NFIL3: variants seen among roughly 807,000 people sequenced by gnomAD.
NFIL3 encodes the protein nuclear factor interleukin-3-regulated protein.
A neutral mutation model predicts 10.0 loss-of-function variants in NFIL3; 5 were observed. The observed-to-expected ratio is 0.50, with a 90% CI of 0.26 to 1.06. NFIL3 has a LOEUF of 1.06. NFIL3 is among the 50% of genes least tolerant of loss of function. The pLI is 0.13. For synonymous variants in NFIL3, 202 were observed against 206.5 expected (o/e 0.98, Z 0.19); for missense variants, 436 against 547.6 (o/e 0.80, Z 2.03).
intron 1 of NFIL3, among the ~76,000 whole-genome samples, chr9:91,415,603 T>C (rs1833638427): frequency 6.6e-6 from 1 of 152,080 alleles, no homozygotes; most frequent in Admixed American, 6.6e-5. Flanking sequence ...TAAGGCACTA[T>C]GCTAACTTAA....
At chr9:91,454,185 G>A in the NFIL3 span, among the ~76,000 whole-genome samples, 1 of 146,824 alleles carries the variant, frequency 6.8e-6, no homozygotes, top group Non-Finnish European at 1.5e-5. Flanking sequence ...AGCGAGCCAA[G>A]ATGGCACCAC....
At chr9:91,443,830 G>A in the NFIL3 span, among the ~76,000 whole-genome samples, 1,010 of 152,306 alleles carry the variant, frequency 6.6e-3, 10 homozygotes, top group African/African-American at 0.023. Flanking sequence ...ACTGCAGCTG[G>A]TCTCTTAGCG....
At chr9:91,458,489 C>T in the NFIL3 span, among the ~76,000 whole-genome samples, 1,193 of 148,424 alleles carry the variant, frequency 8.0e-3, 18 homozygotes, top group African/African-American at 0.027. Flanking sequence ...GTAATGTCAC[C>T]TCTCTCCTTC....
At chr9:91,421,736 G>A (rs1050059734) in intron 1 of NFIL3, among the ~76,000 whole-genome samples, 4 of 152,156 alleles carry the variant, frequency 2.6e-5, no homozygotes, top group African/African-American at 9.7e-5. Context: ...GGGGCCTAGA[G>A]CAACTAGCTT....
the NFIL3 span, among the ~76,000 whole-genome samples, chr9:91,471,511 T>A: frequency 2.9e-3 from 433 of 151,318 alleles, 2 homozygotes; most frequent in Non-Finnish European, 5.1e-3. Context: ...TTACTTTTTT[T>A]AAAATTTTAT....
the NFIL3 span, among the ~76,000 whole-genome samples, chr9:91,483,067 T>A: frequency 9.9e-5 from 15 of 152,090 alleles, no homozygotes; most frequent in African/African-American, 3.6e-4. Context: ...CCTTATCATC[T>A]CCCTCAACAG....
chr9:91,470,661 C>T, the NFIL3 span, among the ~76,000 whole-genome samples: 11 of 152,300 alleles, frequency 7.2e-5, no homozygotes, highest in South Asian at 2.3e-3. Flanking sequence ...ACATTTAGTG[C>T]TATAAATTTC....
the NFIL3 span, among the ~76,000 whole-genome samples, chr9:91,457,151 T>G: frequency 6.6e-6 from 1 of 152,160 alleles, no homozygotes; most frequent in South Asian, 2.1e-4. Context: ...AATAAGATAG[T>G]GCTACTATCC....
intron 1 of NFIL3, among the ~76,000 whole-genome samples, chr9:91,422,257 A>T (rs1833784503): frequency 6.6e-6 from 1 of 152,228 alleles, no homozygotes; most frequent in Non-Finnish European, 1.5e-5. Context: ...GTGGAGTTAA[A>T]ACTACAGCAA....
intron 1 of NFIL3, among the ~76,000 whole-genome samples, chr9:91,422,276 G>C (rs1833784838): frequency 6.6e-6 from 1 of 152,188 alleles, no homozygotes; most frequent in Non-Finnish European, 1.5e-5. Context: ...AAATGGCCTT[G>C]AACTTGTATT....
At chr9:91,450,573 A>G in the NFIL3 span, among the ~76,000 whole-genome samples, 2 of 152,190 alleles carry the variant, frequency 1.3e-5, no homozygotes, top group Non-Finnish European at 2.9e-5. Flanking sequence ...GATGCTTTGT[A>G]TAATTTCAAT....
the NFIL3 span, among the ~76,000 whole-genome samples, chr9:91,467,643 C>T: frequency 2.0e-5 from 3 of 152,066 alleles, no homozygotes; most frequent in Admixed American, 6.6e-5. Flanking sequence ...CCCATTAACT[C>T]GTCATCTACA....
At chr9:91,467,198 T>C in the NFIL3 span, among the ~76,000 whole-genome samples, 1 of 151,876 alleles carries the variant, frequency 6.6e-6, no homozygotes, top group African/African-American at 2.4e-5. Context: ...ATATTATATG[T>C]ATATACAACT....
At chr9:91,475,840 T>C in the NFIL3 span, among the ~76,000 whole-genome samples, 1 of 152,246 alleles carries the variant, frequency 6.6e-6, no homozygotes, top group African/African-American at 2.4e-5. Context: ...GTAAAATATA[T>C]GTGAATGACA....
chr9:91,477,622 A>G, the NFIL3 span, among the ~76,000 whole-genome samples: 1 of 152,222 alleles, frequency 6.6e-6, no homozygotes, highest in African/African-American at 2.4e-5. Context: ...TCGCTTTCCA[A>G]TAATTCACTA....
At chr9:91,479,007 T>A in the NFIL3 span, among the ~76,000 whole-genome samples, 7 of 152,188 alleles carry the variant, frequency 4.6e-5, no homozygotes, top group African/African-American at 1.7e-4. Context: ...GCATGTTCCT[T>A]CCTCTGGAAG....
chr9:91,435,367 C>A, the NFIL3 span, among the ~76,000 whole-genome samples: 1 of 152,160 alleles, frequency 6.6e-6, no homozygotes, highest in African/African-American at 2.4e-5. Context: ...AGGAAGTGTG[C>A]CTCACCTCTC....
chr9:91,432,259 C>T, the NFIL3 span, among the ~76,000 whole-genome samples: 3 of 152,206 alleles, frequency 2.0e-5, no homozygotes, highest in Admixed American at 2.0e-4. Flanking sequence ...TGTCCCAAAT[C>T]CCAGCCACAG....
the NFIL3 span, among the ~76,000 whole-genome samples, chr9:91,458,374 G>A: frequency 6.6e-6 from 1 of 152,034 alleles, no homozygotes; most frequent in Admixed American, 6.6e-5. Flanking sequence ...GGTAGTTTAT[G>A]TCTTTAAAGG....
Sources: allele counts gnomAD v4.1 joint callset (sites outside exome capture counted in the v4.1 genomes callset), GRCh38; gene constraint gnomAD v4.1.1; transcripts MANE v1.5; gene names NCBI Gene and HGNC (gene_info 2026-07-23, HGNC 2026-07-21).